DHX37: variants seen among roughly 807,000 people sequenced by gnomAD.
DHX37 encodes DEAH-box helicase 37.
A neutral mutation model predicts 134.3 loss-of-function variants in DHX37; 52 were observed. The observed-to-expected ratio is 0.39, with a 90% CI of 0.31 to 0.49. DHX37 has a LOEUF of 0.49. DHX37 is among the 20% of genes least tolerant of loss of function. The probability of loss-of-function intolerance (pLI) is 0.93; values close to 1 mark genes in which losing one functional copy is unlikely to be tolerated. For synonymous variants in DHX37, 634 were observed against 670.7 expected (o/e 0.95, Z 0.85); for missense variants, 1,344 against 1,580.8 (o/e 0.85, Z 2.54).
Position 124,964,643 on chromosome 12 carries a change from G to A in DHX37, c.1813-17C>T. The A allele has an allele frequency of 1.2e-6, 2 of 1,605,632 alleles. No homozygotes were observed. The highest frequency in any genetic ancestry group is 1.7e-6 in the Non-Finnish European group (2 of 1,178,178). On this transcript the variant is annotated splice_polypyrimidine_tract_variant and intron_variant, in intron 14 of 26. Coordinates refer to ENST00000308736, the MANE Select transcript of DHX37 (RefSeq NM_032656.4). ...CTTAAAGACCTAGGATTCGGGGAAG[G>A]GATGGCAGGAAAACACCAGAATCAG... is the stretch of plus-strand genomic sequence containing the variant.
rs1953938948 is a variant in DHX37, at chr12:124,949,878, A to G, written c.3290+108T>C. 6 of 1,230,826 alleles carry G rather than the reference A, an allele frequency of 4.9e-6. No individual in the cohort carries two copies. The highest frequency in any genetic ancestry group is 6.8e-6 in the Non-Finnish European group (6 of 877,818). 76.2% of individuals were successfully genotyped at this position (1,230,826 alleles called of 1,614,324 possible). Reference sequence around the variant, plus strand: ...CTTCAGACCTGAGCACAGACTTCTGATGTTTTAAGCCTCCCTGTGTGTGGT... The same window carrying G: ...CTTCAGACCTGAGCACAGACTTCTGGTGTTTTAAGCCTCCCTGTGTGTGGT... On this transcript the variant is annotated intron_variant, in intron 25 of 26. Transcript: ENST00000308736. This position sits in a 1 kb window ranked among gnomAD's most constrained non-coding sequence, Gnocchi z 4.0.
At position 124,964,747 on chromosome 12, in the gene DHX37, C is replaced by G. The variant is rs374403499; in HGVS notation, c.1813-121G>C. 1.9e-5 allele frequency: 29 copies of G among 1,501,238 alleles called. No homozygotes were observed. The African/African-American group carries it at 3.8e-4, about 20-fold the overall frequency. The allele number at this position is 1,501,238 out of a possible 1,614,324, so 93.0% of individuals were successfully genotyped here. ...TGGAGACGTAGCAAGGACAAGCCAT[C>G]CCATCTGGGGCCCAGTGCCTTGGGG... On this transcript the variant is annotated intron_variant, in intron 14 of 26. Coordinates refer to ENST00000308736, the MANE Select transcript of DHX37 (RefSeq NM_032656.4).
intron 3 of DHX37, among the ~76,000 whole-genome samples, chr12:124,981,555 C>T (rs1480423325): frequency 9.9e-5 from 15 of 152,070 alleles, no homozygotes; most frequent in East Asian, 3.9e-4. Flanking sequence ...CCACCTCAGC[C>T]GCCAGAGTAG....
intron 16 of DHX37, 124 bp downstream of exon 16, chr12:124,960,188 C>G: frequency 6.8e-7 from 1 of 1,469,840 alleles, no homozygotes; most frequent in South Asian, 1.3e-5. Flanking sequence ...CCTGCTGATG[C>G]ACTGTTGTGT....
At chr12:124,970,324 G>A (rs909606994) in intron 8 of DHX37, among the ~76,000 whole-genome samples, 2 of 152,200 alleles carry the variant, frequency 1.3e-5, no homozygotes, top group African/African-American at 4.8e-5. Context: ...CTGTGGTGAT[G>A]GCTGCACACT....
At chr12:124,968,208 C>G (rs563659488) in intron 10 of DHX37, among the ~76,000 whole-genome samples, 1 of 152,068 alleles carries the variant, frequency 6.6e-6, no homozygotes, top group Non-Finnish European at 1.5e-5. Flanking sequence ...GAAGGGTATC[C>G]GTGACTCTTG....
At chr12:124,966,115 G>A (rs1954381299) in intron 12 of DHX37, among the ~76,000 whole-genome samples, 1 of 152,196 alleles carries the variant, frequency 6.6e-6, no homozygotes, top group African/African-American at 2.4e-5. Flanking sequence ...GAGTGCTTAC[G>A]CTACCGTCAC....
chr12:124,965,828 CAT>C lies in DHX37; in HGVS notation c.1591-18_1591-17del, dbSNP rs1172313619. ...GGGGCAGCACCTACGGCGAACAAGA[CAT>C]AGACACCTGGGCTGCAGGGATCCTG... On this transcript the variant is annotated splice_polypyrimidine_tract_variant and intron_variant, in intron 12 of 26. Coordinates refer to ENST00000308736, the MANE Select transcript of DHX37 (RefSeq NM_032656.4). The C allele has an allele frequency of 1.2e-6, 2 of 1,611,080 alleles. No individual in the cohort carries two copies. Among genetic ancestry groups the C allele is most frequent in the African/African-American group, 2.7e-5 (2 of 74,896 alleles).
chr12:124,947,896 G>T lies in DHX37; in HGVS notation c.3389-9C>A, dbSNP rs1300806906. On this transcript the variant is annotated splice_polypyrimidine_tract_variant and intron_variant, in intron 26 of 26. Coordinates refer to ENST00000308736, the MANE Select transcript of DHX37 (RefSeq NM_032656.4). Reference sequence around the variant, plus strand: ...GTACTCAGCCAGCAGGTCTGCAGGGGAGGGAAGGAGGACAGTGTCAGGGTG... The same window carrying T: ...GTACTCAGCCAGCAGGTCTGCAGGGTAGGGAAGGAGGACAGTGTCAGGGTG... The T allele has an allele frequency of 6.2e-7, 1 of 1,610,316 alleles. No individual in the cohort carries two copies. The highest frequency in any genetic ancestry group is 1.1e-5 in the South Asian group (1 of 90,538).
chr12:124,950,114 C>T (rs200330231), intron 24 of DHX37, 35 bp downstream of exon 24: 2 of 1,613,720 alleles, frequency 1.2e-6, no homozygotes, highest in Non-Finnish European at 1.7e-6. Context: ...CCCACGGTAC[C>T]CGAGATGAGG....
In DHX37 at chr12:124,980,490, C is replaced by G; in HGVS notation, c.738G>C (p.Gln246His). The G allele has an allele frequency of 6.2e-7, 1 of 1,606,838 alleles. No individual in the cohort carries two copies. The highest frequency in any genetic ancestry group is 8.5e-7 in the Non-Finnish European group (1 of 1,178,148). ...FIPVNRSPEMQEERLKLPILS... is the reference protein window; with the variant it reads ...FIPVNRSPEMHEERLKLPILS... Reference sequence around the variant, plus strand: ...TAATCACAAACACGGGGTGGCGAACCTGCATTTCCGGGGAGCGGTTCACGG... The same window carrying G: ...TAATCACAAACACGGGGTGGCGAACGTGCATTTCCGGGGAGCGGTTCACGG... Residue 246 changes from glutamine to histidine, a missense_variant and splice_region_variant, in exon 4 of 27, where the codon CAG becomes CAC. Transcript: ENST00000308736. This position sits in a 1 kb window ranked among gnomAD's most constrained non-coding sequence, Gnocchi z 5.3.
intron 18 of DHX37, among the ~76,000 whole-genome samples, chr12:124,954,712 A>G (rs1020887719): frequency 2.0e-5 from 3 of 152,154 alleles, no homozygotes; most frequent in Non-Finnish European, 2.9e-5. Context: ...CACCATTTTT[A>G]GGTAATAAAA....
intron 4 of DHX37, among the ~76,000 whole-genome samples, chr12:124,977,894 T>C (rs905209156): frequency 3.9e-5 from 6 of 152,202 alleles, no homozygotes; most frequent in African/African-American, 1.2e-4. Flanking sequence ...TCTACATTTT[T>C]TCCTGTGACT....
At position 124,947,431 on chromosome 12, in the gene DHX37, C is replaced by T. The variant is rs1953897243; in HGVS notation, c.*371G>A. On this transcript the variant is annotated 3_prime_UTR_variant, in exon 27 of 27. Transcript: ENST00000308736. ...GGAAGAATTGCAGGAAGGAGGCCCT[C>T]CACGTGCCTCCTCGGCCTTCTGGCA... 3 of 181,078 alleles carry T rather than the reference C, an allele frequency of 1.7e-5. No individual in the cohort carries two copies. In the South Asian group the frequency reaches 5.7e-4, roughly 34 times the overall value. The allele number at this position is 181,078 out of a possible 1,614,324, so 11.2% of individuals were successfully genotyped here.
intron 1 of DHX37, among the ~76,000 whole-genome samples, chr12:124,987,506 G>T (rs1472361071): frequency 1.3e-5 from 2 of 152,156 alleles, no homozygotes; most frequent in Admixed American, 6.5e-5. Context: ...TGCTCAGGTG[G>T]TCCAGTTCCA....
intron 20 of DHX37, 108 bp from the exon 21 acceptor site, chr12:124,952,678 C>T: frequency 1.6e-6 from 2 of 1,227,396 alleles, no homozygotes; most frequent in East Asian, 3.0e-5. Flanking sequence ...CCTCAGCCAC[C>T]TGCTTGTCTC....
At chr12:124,966,401 T>C (rs188775446) in intron 12 of DHX37, among the ~76,000 whole-genome samples, 101 of 152,308 alleles carry the variant, frequency 6.6e-4, no homozygotes, top group South Asian at 2.5e-3. Flanking sequence ...TCTCACTCTG[T>C]TGCCCAGGCT....
At chr12:124,969,798 C>A (rs1954477681) in intron 8 of DHX37, among the ~76,000 whole-genome samples, 1 of 151,856 alleles carries the variant, frequency 6.6e-6, no homozygotes, top group African/African-American at 2.4e-5. Flanking sequence ...ACAGAGTGAC[C>A]ATGGTCCAGC....
intron 6 of DHX37, among the ~76,000 whole-genome samples, chr12:124,972,901 G>A (rs760343062): frequency 6.6e-6 from 1 of 152,274 alleles, no homozygotes; most frequent in Non-Finnish European, 1.5e-5. Flanking sequence ...ATGGGCTGGA[G>A]TGTGTTCCAG....
Sources: allele counts gnomAD v4.1 joint callset (sites outside exome capture counted in the v4.1 genomes callset), GRCh38; gene constraint gnomAD v4.1.1; non-coding constraint Gnocchi (gnomAD v3.1); transcripts MANE v1.5; gene names NCBI Gene and HGNC (gene_info 2026-07-23, HGNC 2026-07-21).